The following APC variants were observed in gnomAD, a reference collection of about 807,000 sequenced individuals.
APC encodes APC regulator of Wnt signaling pathway.
Under a neutral mutation model 247.0 loss-of-function variants are expected in APC, and 72 were observed. The observed-to-expected ratio is 0.29, with a 90% CI of 0.24 to 0.35. The LOEUF (loss-of-function observed/expected upper bound fraction) is 0.35, where lower values mean the gene tolerates loss of function less well. Ranked by LOEUF, APC falls within the 10% of genes least tolerant of loss-of-function variation. The probability of loss-of-function intolerance (pLI) is 1.00; values close to 1 mark genes in which losing one functional copy is unlikely to be tolerated. For synonymous variants in APC, 1,254 were observed against 1,162.5 expected, an observed-to-expected ratio of 1.08 and a Z score of -1.60; for missense variants, 3,400 against 3,360.7, an observed-to-expected ratio of 1.01 and a Z score of -0.29.
intron 1 of APC, among the ~76,000 whole-genome samples, chr5:112,719,264 C>T (rs1672347820): frequency 6.6e-6 from 1 of 152,192 alleles, no homozygotes; most frequent in African/African-American, 2.4e-5. Context: ...GTTGCCCAGG[C>T]TGGAGTACAG....
intron 4 of APC, among the ~76,000 whole-genome samples, chr5:112,772,579 C>T (rs181123053): frequency 1.3e-5 from 2 of 150,852 alleles, no homozygotes; most frequent in African/African-American, 4.9e-5. Context: ...TGCAGTGGCA[C>T]GATCTTGGCT....
chr5:112,843,739 C>T lies in APC; in HGVS notation c.8145C>T (p.Thr2715=), dbSNP rs1554088935. The T allele has an allele frequency of 2.5e-6, 4 of 1,613,862 alleles. No homozygotes were observed. Among genetic ancestry groups the T allele is most frequent in the African/African-American group, 1.3e-5 (1 of 74,856 alleles). ...NVGNGSVPMR[T]VGLENRLNSF... ...GTAATGGCAGTGTTCCCATGCGTACCGTGGGTTTGGAAAATCGCCTGAACT... is the reference window on the plus strand; with the variant it reads ...GTAATGGCAGTGTTCCCATGCGTACTGTGGGTTTGGAAAATCGCCTGAACT... The change falls in exon 16 of 16, where the codon ACC becomes ACT. Residue 2715 remains threonine, a synonymous_variant. Coordinates refer to ENST00000257430, the MANE Select transcript of APC (RefSeq NM_000038.6). This position sits in a 1 kb window ranked among gnomAD's most constrained non-coding sequence, Gnocchi z 4.8.
intron 14 of APC, chr5:112,830,049 G>T (rs1368677778): frequency 6.6e-6 from 1 of 151,978 alleles, no homozygotes; most frequent in African/African-American, 2.4e-5. Flanking sequence ...CAGCCTACAT[G>T]TTCTTCTTCA....
chr5:112,769,162 T>C (rs918684003), intron 4 of APC, among the ~76,000 whole-genome samples: 1 of 149,000 alleles, frequency 6.7e-6, no homozygotes, highest in Non-Finnish European at 1.5e-5. Flanking sequence ...GCAATTCTCA[T>C]GTCTCAGCCT....
At chr5:112,796,384 C>T (rs886404841) in intron 7 of APC, among the ~76,000 whole-genome samples, 1 of 152,138 alleles carries the variant, frequency 6.6e-6, no homozygotes, top group East Asian at 1.9e-4. Context: ...AAAACATTTT[C>T]ATCCATGTCT....
At chr5:112,775,888 T>C in intron 5 of APC, 151 bp downstream of exon 5, 1 of 391,602 alleles carries the variant, frequency 2.6e-6, no homozygotes, top group Admixed American at 4.2e-5. Flanking sequence ...GAATATATAA[T>C]AGTTAATGAA....
rs183515660 is a variant in APC, at chr5:112,767,148, A to G, written c.221-41A>G. The G allele has an allele frequency of 1.0e-4, 150 of 1,470,704 alleles. No individual in the cohort carries two copies. Among genetic ancestry groups the G allele is most frequent in the Non-Finnish European group, 1.4e-4 (144 of 1,051,906 alleles). 91.1% of individuals were successfully genotyped at this position (1,470,704 alleles called of 1,614,324 possible). On this transcript the variant is annotated intron_variant, in intron 3 of 15. Coordinates refer to ENST00000257430, the MANE Select transcript of APC (RefSeq NM_000038.6). ...ACATTAAGAATATTTTAGACTGCTTAAAGCAATTGTTGTATAAAAACTTGT... is the reference window on the plus strand; with the variant it reads ...ACATTAAGAATATTTTAGACTGCTTGAAGCAATTGTTGTATAAAAACTTGT...
rs562142144 is a variant in APC at position 112,840,873 on chromosome 5, C to A, written c.5279C>A (p.Pro1760His). The change falls in exon 16 of 16, where the codon CCC (proline) becomes CAC (histidine). Residue 1760 changes from proline (P) to histidine (H), a missense_variant. By Grantham distance (77) the Pro-to-His change is moderately conservative (BLOSUM62 -2). Transcript: ENST00000257430. This position sits in a 1 kb window ranked among gnomAD's most constrained non-coding sequence, Gnocchi z 4.1. ...VQQASASSSAPNKNQLDGKKK... is the reference protein window; with the variant it reads ...VQQASASSSAHNKNQLDGKKK... ...CAAGCATCTGCGTCTTCTTCTGCAC[C>A]CAACAAAAATCAGTTAGATGGTAAG... 2 of 1,613,862 alleles carry A rather than the reference C, an allele frequency of 1.2e-6. No homozygotes were observed. The highest frequency in any genetic ancestry group is 2.2e-5 in the East Asian group (1 of 44,880).
intron 7 of APC, among the ~76,000 whole-genome samples, chr5:112,801,071 C>T (rs944604293): frequency 1.3e-5 from 2 of 152,114 alleles, no homozygotes; most frequent in African/African-American, 2.4e-5. Context: ...AGCTCTAATG[C>T]TCAAGGGACA....
chr5:112,834,361 C>G (rs1429085004), intron 14 of APC, among the ~76,000 whole-genome samples: 1 of 151,932 alleles, frequency 6.6e-6, no homozygotes, highest in African/African-American at 2.4e-5. Context: ...CCCACCTCAG[C>G]CTCCCAAGTA....
chr5:112,745,605 C>T (rs1753567088), intron 1 of APC, among the ~76,000 whole-genome samples: 1 of 151,714 alleles, frequency 6.6e-6, no homozygotes, highest in Non-Finnish European at 1.5e-5. Context: ...ACTCTGTCGC[C>T]GAGGCTGGAG....
chr5:112,779,593 A>T (rs1196219871), intron 5 of APC, among the ~76,000 whole-genome samples: 1 of 152,196 alleles, frequency 6.6e-6, no homozygotes, highest in Admixed American at 6.6e-5. Context: ...TTATGTGGAA[A>T]TACCTACTTA....
At chr5:112,794,974 A>T (rs1760043999) in intron 7 of APC, among the ~76,000 whole-genome samples, 1 of 152,184 alleles carries the variant, frequency 6.6e-6, no homozygotes, top group Non-Finnish European at 1.5e-5. Flanking sequence ...CAGAGATTTC[A>T]TGCTTTCTCC....
At chr5:112,708,704 C>G (rs1017624512) in intron 1 of APC, among the ~76,000 whole-genome samples, 4 of 152,174 alleles carry the variant, frequency 2.6e-5, no homozygotes. Flanking sequence ...CCCTTTGTTT[C>G]TATTTAGAAA....
At chr5:112,818,826 GGTTTTTT>G (rs2149777046) in intron 9 of APC, 133 bp from the exon 10 acceptor site, 1 of 905,780 alleles carries the variant, frequency 1.1e-6, no homozygotes, top group Non-Finnish European at 1.6e-6. Context: ...AAGGTTTTCC[GGTTTTTT>G]GTTTTTTTTT....
At chr5:112,817,866 A>G (rs1462525401) in intron 9 of APC, among the ~76,000 whole-genome samples, 1 of 152,196 alleles carries the variant, frequency 6.6e-6, no homozygotes, top group Non-Finnish European at 1.5e-5. Flanking sequence ...TAAGAGGTGG[A>G]GCCAAAATTT....
chr5:112,778,262 T>C (rs80044629), intron 5 of APC: 3 of 154,356 alleles, frequency 1.9e-5, no homozygotes, highest in Non-Finnish European at 4.4e-5. Context: ...TGCAGTGTTC[T>C]GTAAAAAAAA....
chr5:112,712,941 C>T (rs1390366577), intron 1 of APC, among the ~76,000 whole-genome samples: 5 of 152,188 alleles, frequency 3.3e-5, no homozygotes, highest in African/African-American at 4.8e-5. Flanking sequence ...GAGGCTGAGG[C>T]GGGCGGATCA....
chr5:112,770,933 T>A (rs895835762), intron 4 of APC, among the ~76,000 whole-genome samples: 5 of 152,152 alleles, frequency 3.3e-5, no homozygotes, highest in African/African-American at 1.2e-4. Context: ...GAAGCCCCGC[T>A]GTATAAGATT....
Sources: gnomAD v4.1 joint callset for allele counts (sites outside exome capture counted in the v4.1 genomes callset) on GRCh38, gnomAD v4.1.1 for gene constraint, Gnocchi (gnomAD v3.1) non-coding constraint, MANE v1.5 for transcripts, NCBI Gene and HGNC (gene_info 2026-07-23, HGNC 2026-07-21) for gene names.